Variants in CLASP1 observed in about 807,000 individuals in gnomAD.
CLASP1 encodes the protein CLIP-associating protein 1.
In CLASP1, 38 loss-of-function variants were observed where a neutral mutation model predicts 192.3. The observed-to-expected ratio is 0.20, with a 90% CI of 0.15 to 0.26. CLASP1 has a LOEUF of 0.26. Among genes scored for constraint, CLASP1 ranks in the 10% least tolerant of loss-of-function variants. The pLI, the probability that CLASP1 is intolerant of heterozygous loss-of-function variation, is 1.00. For missense variants in CLASP1, 1,433 were observed against 1,932.5 expected (o/e 0.74, Z 4.85); for synonymous variants, 691 against 712.8 (o/e 0.97, Z 0.49).
At chr2:121,470,561 T>C in intron 8 of CLASP1, 1 of 395,402 alleles carries the variant, frequency 2.5e-6, no homozygotes. Context: ...TGGAAAATGG[T>C]ACAAGTGAAA....
intron 22 of CLASP1, 107 bp from the exon 23 acceptor site, chr2:121,418,836 C>T (rs573953635): frequency 3.0e-5 from 24 of 788,796 alleles, no homozygotes; most frequent in East Asian, 7.8e-5. Context: ...CGACATTGTT[C>T]GCGCTGGGGA....
exon 3 of CLASP1, chr2:121,530,301 G>A (rs777363301): frequency 2.0e-4 from 308 of 1,552,050 alleles, no homozygotes; most frequent in Middle Eastern, 3.6e-4. Context: ...AGGGCGGACA[G>A]GATGTCCATG....
At chr2:121,507,586 C>T in intron 7 of CLASP1, among the ~76,000 whole-genome samples, 1 of 152,104 alleles carries the variant, frequency 6.6e-6, no homozygotes, top group East Asian at 1.9e-4. Flanking sequence ...AGGCATCTAC[C>T]ACGTTGAAAA....
chr2:121,540,784 C>CA lies in CLASP1; in HGVS notation c.196-10460_196-10459insT, dbSNP rs1559562138. 1.2e-3 allele frequency among the ~76,000 whole-genome samples: 114 copies of CA among 98,150 alleles called. 3 individuals are homozygous for CA. Among genetic ancestry groups the CA allele is most frequent in the African/African-American group, 0.01 (105 of 10,148 alleles). 64.4% of individuals were successfully genotyped at this position (98,150 alleles called of 152,430 possible). ...CCTGTGCAACAGAGTGAGACTCCAT[C>CA]CAAAAAAAAAAAAAGCAAACATAAA... is the stretch of plus-strand genomic sequence containing the variant. On this transcript the variant is annotated intron_variant, in intron 2 of 39. Transcript: ENST00000263710.
intron 2 of CLASP1, among the ~76,000 whole-genome samples, chr2:121,552,651 TCA>T (rs1358884560): frequency 6.6e-6 from 1 of 152,194 alleles, no homozygotes; most frequent in African/African-American, 2.4e-5. Flanking sequence ...AGATACCATC[TCA>T]CACAGTCAGA....
intron 5 of CLASP1, among the ~76,000 whole-genome samples, chr2:121,526,273 G>A (rs532419379): frequency 7.2e-5 from 11 of 152,322 alleles, no homozygotes; most frequent in African/African-American, 1.4e-4. Flanking sequence ...AGCCAACTAC[G>A]AGTCACTTGA....
At chr2:121,576,588 T>C (rs1181782741) in intron 2 of CLASP1, among the ~76,000 whole-genome samples, 2 of 152,156 alleles carry the variant, frequency 1.3e-5, no homozygotes, top group Admixed American at 6.5e-5. Flanking sequence ...CCTTTCAGAT[T>C]AGCTCTGTGC....
At chr2:121,522,731 T>C (rs1276715763) in intron 6 of CLASP1, among the ~76,000 whole-genome samples, 3 of 152,208 alleles carry the variant, frequency 2.0e-5, no homozygotes, top group Admixed American at 6.5e-5. Context: ...TATGGCAGTA[T>C]GTGTATAGTC....
At chr2:121,531,030 T>A (rs186743380) in intron 2 of CLASP1, 64 of 700,200 alleles carry the variant, frequency 9.1e-5, no homozygotes, top group African/African-American at 9.1e-4. Context: ...TTTCATAGAC[T>A]TATCAGTTCA....
intron 8 of CLASP1, among the ~76,000 whole-genome samples, chr2:121,496,841 G>A (rs1369431189): frequency 6.6e-6 from 1 of 152,098 alleles, no homozygotes; most frequent in African/African-American, 2.4e-5. Context: ...GCCAACAGAT[G>A]AATGGAATAA....
chr2:121,470,067 T>C, intron 8 of CLASP1, 107 bp from the exon 9 acceptor site: 1 of 922,178 alleles, frequency 1.1e-6, no homozygotes, highest in Non-Finnish European at 1.6e-6. Context: ...TCGAGACTGA[T>C]TCTGCATACT....
intron 37 of CLASP1, among the ~76,000 whole-genome samples, chr2:121,353,438 T>C (rs1458280061): frequency 6.6e-6 from 1 of 152,082 alleles, no homozygotes; most frequent in African/African-American, 2.4e-5. Context: ...TCCAATGACC[T>C]CTAAGATGCC....
chr2:121,454,179 A>AG lies in CLASP1; in HGVS notation c.1386-2331_1386-2330insC, dbSNP rs1470881471. 3.6e-5 allele frequency among the ~76,000 whole-genome samples: 5 copies of AG among 137,226 alleles called. No homozygotes were observed. The East Asian group carries it at 1.0e-3, about 28-fold the overall frequency. The allele number at this position is 137,226 out of a possible 152,430, so 90.0% of individuals were successfully genotyped here. ...CCCCCCCTCCAAAATTAATATGCTG[A>AG]AGTCCTTACTCTCAATGTGATGGTT... On this transcript the variant is annotated intron_variant, in intron 14 of 39. Transcript: ENST00000263710.
intron 1 of CLASP1, among the ~76,000 whole-genome samples, chr2:121,624,406 T>TTTC (rs538144745): frequency 6.6e-6 from 1 of 152,098 alleles, no homozygotes; most frequent in South Asian, 2.1e-4. Flanking sequence ...CAGGGGTTTT[T>TTTC]TTCTTCTTCT....
intron 37 of CLASP1, among the ~76,000 whole-genome samples, chr2:121,356,651 T>C (rs1267173844): frequency 6.6e-6 from 1 of 152,260 alleles, no homozygotes; most frequent in African/African-American, 2.4e-5. Context: ...CATCCAACTC[T>C]ACCTGATGAG....
chr2:121,645,504 A>G (rs1414116366), intron 1 of CLASP1, among the ~76,000 whole-genome samples: 1 of 152,206 alleles, frequency 6.6e-6, no homozygotes, highest in African/African-American at 2.4e-5. Flanking sequence ...ATTAGGATAC[A>G]TTTGTTTATT....
chr2:121,487,259 A>G (rs2093033362), intron 8 of CLASP1, among the ~76,000 whole-genome samples: 1 of 151,880 alleles, frequency 6.6e-6, no homozygotes, highest in South Asian at 2.1e-4. Context: ...GGTCTTCCTC[A>G]TCTCTCAGGT....
intron 2 of CLASP1, among the ~76,000 whole-genome samples, chr2:121,567,078 G>C (rs1319704075): frequency 6.6e-6 from 1 of 152,150 alleles, no homozygotes; most frequent in Non-Finnish European, 1.5e-5. Flanking sequence ...CTATTAAAGG[G>C]GAATTACAAC....
chr2:121,585,300 C>G (rs983860273), intron 2 of CLASP1, among the ~76,000 whole-genome samples: 1 of 152,192 alleles, frequency 6.6e-6, no homozygotes, highest in Non-Finnish European at 1.5e-5. Flanking sequence ...CCCAACATTA[C>G]AAAATGCTTT....
Sources: allele counts gnomAD v4.1 joint callset (sites outside exome capture counted in the v4.1 genomes callset), GRCh38; gene constraint gnomAD v4.1.1; transcripts MANE v1.5; gene names NCBI Gene and HGNC (gene_info 2026-07-23, HGNC 2026-07-21).